The following FARS2 variants were observed in gnomAD, a reference collection of about 807,000 sequenced individuals.
FARS2 encodes phenylalanyl-tRNA synthetase 2, mitochondrial, also known as phenylalanine--tRNA ligase, mitochondrial.
Under a neutral mutation model 46.4 loss-of-function variants are expected in FARS2, and 40 were observed. That is an observed-to-expected ratio of 0.86 (90% CI 0.67 to 1.12). The LOEUF (loss-of-function observed/expected upper bound fraction) is 1.12. Ranked by LOEUF, FARS2 falls within the 50% of genes most tolerant of loss-of-function variation. FARS2 has a pLI of 0.00. For synonymous variants in FARS2, 234 were observed against 214.9 expected, an observed-to-expected ratio of 1.09 and a Z score of -0.78; for missense variants, 513 against 567.9, an observed-to-expected ratio of 0.90 and a Z score of 0.98.
In FARS2 at chr6:5,431,159, A is replaced by G; in HGVS notation, c.891A>G (p.Gln297=). 7 of 1,613,828 alleles carry G rather than the reference A, an allele frequency of 4.3e-6. No homozygotes were observed. The highest frequency in any genetic ancestry group is 5.9e-6 in the Non-Finnish European group (7 of 1,179,796). ...EVLGCGVMEQ[Q]LVNSAGAQDR... ...TTGGCTGCGGGGTGATGGAACAACA[A>G]CTGGTCAATTCAGGTAAAAAAGAAT... is the stretch of plus-strand genomic sequence containing the variant. The change falls in exon 4 of 7, where the codon CAA becomes CAG. Residue 297 remains glutamine (Q), a synonymous_variant. Transcript: ENST00000274680.
At chr6:5,330,299 C>T (rs1770709530) in intron 1 of FARS2, among the ~76,000 whole-genome samples, 1 of 152,138 alleles carries the variant, frequency 6.6e-6, no homozygotes, top group African/African-American at 2.4e-5. Flanking sequence ...TCTTATCCAT[C>T]CTCACTTTTT....
intron 5 of FARS2, among the ~76,000 whole-genome samples, chr6:5,606,431 A>G (rs776990913): frequency 6.6e-6 from 1 of 151,980 alleles, no homozygotes; most frequent in African/African-American, 2.4e-5. Flanking sequence ...CCAAATTATT[A>G]AAGTGTGAGG....
At chr6:5,712,160 A>G (rs963201826) in intron 6 of FARS2, among the ~76,000 whole-genome samples, 1 of 152,216 alleles carries the variant, frequency 6.6e-6, no homozygotes, top group Non-Finnish European at 1.5e-5. Context: ...AGCACAGCTG[A>G]AGTAGCTACC....
At chr6:5,336,425 T>A (rs1771162815) in intron 1 of FARS2, among the ~76,000 whole-genome samples, 1 of 152,048 alleles carries the variant, frequency 6.6e-6, no homozygotes, top group African/African-American at 2.4e-5. Flanking sequence ...AGACTTTTCT[T>A]TACATATGTG....
chr6:5,667,241 T>C (rs112700969), intron 6 of FARS2, among the ~76,000 whole-genome samples: 283 of 152,284 alleles, frequency 1.9e-3, no homozygotes, highest in African/African-American at 6.0e-3. Context: ...TAAATTTGGC[T>C]GGGCACAGTG....
intron 3 of FARS2, among the ~76,000 whole-genome samples, chr6:5,405,529 C>T (rs1464631107): frequency 7.8e-6 from 1 of 128,442 alleles, no homozygotes; most frequent in Admixed American, 8.7e-5. Context: ...GCTCTGTCTC[C>T]CAGGCTGGGG....
Position 5,771,378 on chromosome 6 carries a change from G to C in FARS2, c.1305G>C (p.Gln435His). 1.2e-6 allele frequency: 2 copies of C among 1,614,260 alleles called. No homozygotes were observed. Among genetic ancestry groups the C allele is most frequent in the Non-Finnish European group, 1.7e-6 (2 of 1,180,040 alleles). Residue 435 changes from glutamine (Q) to histidine (H), a missense_variant, in exon 7 of 7, where the codon CAG becomes CAC. By Grantham distance (24) the Gln-to-His change is conservative (BLOSUM62 0). Coordinates refer to ENST00000274680, the MANE Select transcript of FARS2 (RefSeq NM_006567.5). ...LSQREVRHIH[Q>H]ALQEAAVQLL... ...AGAGAGAGGTCAGGCACATCCACCA[G>C]GCCTTGCAGGAGGCTGCAGTCCAGC...
intron 2 of FARS2, among the ~76,000 whole-genome samples, 178 bp downstream of exon 2, chr6:5,369,360 G>A (rs567191711): frequency 1.3e-5 from 2 of 151,998 alleles, no homozygotes; most frequent in Admixed American, 6.5e-5. Context: ...CTTTTTGACC[G>A]CTTTGTTGTG....
At chr6:5,454,096 C>T (rs1764673475) in intron 4 of FARS2, among the ~76,000 whole-genome samples, 1 of 151,140 alleles carries the variant, frequency 6.6e-6, no homozygotes, top group Non-Finnish European at 1.5e-5. Flanking sequence ...AATTTTAGTA[C>T]AATCTTTAGA....
intron 5 of FARS2, among the ~76,000 whole-genome samples, chr6:5,607,079 G>T (rs570475236): frequency 7.9e-5 from 12 of 152,126 alleles, no homozygotes; most frequent in African/African-American, 2.9e-4. Context: ...AAAAAATACG[G>T]AATTTAAAAA....
chr6:5,491,785 A>G (rs1195177316), intron 4 of FARS2, among the ~76,000 whole-genome samples: 1 of 152,220 alleles, frequency 6.6e-6, no homozygotes, highest in East Asian at 1.9e-4. Flanking sequence ...ACCAGATATC[A>G]CAGGCTACTG....
intron 6 of FARS2, among the ~76,000 whole-genome samples, chr6:5,679,742 G>A (rs565957724): frequency 6.6e-5 from 10 of 152,192 alleles, no homozygotes; most frequent in South Asian, 2.1e-4. Flanking sequence ...GGAAGCAGCC[G>A]TCTCTTTAGA....
intron 5 of FARS2, among the ~76,000 whole-genome samples, chr6:5,549,589 C>T (rs908152799): frequency 6.6e-6 from 1 of 152,108 alleles, no homozygotes; most frequent in Admixed American, 6.5e-5. Flanking sequence ...TATAAGGATC[C>T]TTATGATTGT....
chr6:5,549,703 G>A (rs1771257813), intron 5 of FARS2, among the ~76,000 whole-genome samples: 1 of 152,034 alleles, frequency 6.6e-6, no homozygotes, highest in South Asian at 2.1e-4. Flanking sequence ...TAATACAAAA[G>A]GAAATGTAAA....
At chr6:5,584,676 G>GT (rs914632884) in intron 5 of FARS2, among the ~76,000 whole-genome samples, 24 of 151,460 alleles carry the variant, frequency 1.6e-4, no homozygotes, top group African/African-American at 5.6e-4. Flanking sequence ...TTATCAGCAT[G>GT]TTTTTTTTTA....
At chr6:5,334,550 C>T (rs537424028) in intron 1 of FARS2, among the ~76,000 whole-genome samples, 13 of 152,202 alleles carry the variant, frequency 8.5e-5, no homozygotes, top group African/African-American at 2.2e-4. Flanking sequence ...TGAGGTAGAT[C>T]GCTATGCACT....
chr6:5,427,636 T>C (rs1425990676), intron 3 of FARS2, among the ~76,000 whole-genome samples: 3 of 152,150 alleles, frequency 2.0e-5, no homozygotes, highest in South Asian at 4.1e-4. Flanking sequence ...TAGATTCTGC[T>C]CCATTAAATC....
At chr6:5,280,615 A>G (rs1269956453) in intron 1 of FARS2, among the ~76,000 whole-genome samples, 2 of 152,138 alleles carry the variant, frequency 1.3e-5, no homozygotes, top group Non-Finnish European at 2.9e-5. Flanking sequence ...TTTATCTGGA[A>G]ACTGTCTTTT....
intron 1 of FARS2, among the ~76,000 whole-genome samples, chr6:5,270,047 T>C (rs949976947): frequency 6.6e-6 from 1 of 152,214 alleles, no homozygotes; most frequent in African/African-American, 2.4e-5. Context: ...TACAGTAATA[T>C]TGGCAGAGAG....
Sources: gnomAD v4.1 joint callset for allele counts (sites outside exome capture counted in the v4.1 genomes callset) on GRCh38, gnomAD v4.1.1 for gene constraint, MANE v1.5 for transcripts, NCBI Gene and HGNC (gene_info 2026-07-23, HGNC 2026-07-21) for gene names.